The following DDR1 variants were observed in gnomAD, a reference collection of about 807,000 sequenced individuals.
The protein encoded by DDR1 is epithelial discoidin domain-containing receptor 1.
In DDR1, 64 loss-of-function variants were observed where a neutral mutation model predicts 97.4. The ratio of observed to expected loss-of-function variants is 0.66; its 90% CI spans 0.54 to 0.81. The LOEUF is 0.81. Ranked by LOEUF, DDR1 falls within the 30% of genes least tolerant of loss-of-function variation. The pLI is 0.00. For missense variants in DDR1, 990 were observed against 1,259.6 expected, an observed-to-expected ratio of 0.79 and a Z score of 3.24; for synonymous variants, 458 against 503.7, an observed-to-expected ratio of 0.91 and a Z score of 1.21.
intron 8 of DDR1, 88 bp from the exon 9 acceptor site, chr6:30,892,980 C>CTTTGCACAACAGTCCTTTGTGCAACAG: frequency 8.6e-7 from 1 of 1,166,948 alleles, no homozygotes; most frequent in Non-Finnish European, 1.2e-6. Flanking sequence ...CATGCTTCTG[C>CTTTGCACAACAGTCCTTTGTGCAACAG]TCCTTTGCAC....
chr6:30,890,029 C>T lies in DDR1; in HGVS notation c.417+599C>T, dbSNP rs959663465. Among the ~76,000 whole-genome samples the T allele has an allele frequency of 2.6e-5, 4 of 152,340 alleles. No homozygotes were observed. Among genetic ancestry groups the T allele is most frequent in the African/African-American group, 7.2e-5 (3 of 41,574 alleles). On this transcript the variant is annotated intron_variant, in intron 4 of 17. Transcript: ENST00000376568. This position sits in a 1 kb window ranked among gnomAD's most constrained non-coding sequence, Gnocchi z 5.0. Reference sequence around the variant, plus strand: ...GCCCTAGGCCACCTGCCCGCCATCTCCAGCTTAGATGAGTGCAGTAGATGC... The same window carrying T: ...GCCCTAGGCCACCTGCCCGCCATCTTCAGCTTAGATGAGTGCAGTAGATGC...
chr6:30,895,387 C>T lies in DDR1; in HGVS notation c.1514-17C>T, dbSNP rs757312542. 3 of 1,596,538 alleles carry T rather than the reference C, an allele frequency of 1.9e-6. No homozygotes were observed. Among genetic ancestry groups the T allele is most frequent in the Non-Finnish European group, 2.6e-6 (3 of 1,168,778 alleles). ...CTCATCCCTTCCCCGTGTTTCCCCT[C>T]CTCCTTCTCCCGACAGCGTTGCTGC... On this transcript the variant is annotated splice_polypyrimidine_tract_variant and intron_variant, in intron 11 of 17. Transcript: ENST00000376568.
In DDR1 at chr6:30,899,197, T is replaced by C; in HGVS notation, c.2643T>C (p.Tyr881=). 6.2e-7 allele frequency: 1 copy of C among 1,612,754 alleles called. No individual in the cohort carries two copies. The highest frequency in any genetic ancestry group is 1.1e-5 in the South Asian group (1 of 91,052). Residue 881 remains tyrosine, a synonymous_variant, in exon 18 of 18, where the codon TAT becomes TAC. Transcript: ENST00000376568. ...SRPPACPQGL[Y]ELMLRCWSRE... is the part of the protein sequence containing the mutation. ...CGCCTGCCTGCCCGCAGGGCCTATATGAGCTGATGCTTCGGTGCTGGAGCC... is the reference window on the plus strand; with the variant it reads ...CGCCTGCCTGCCCGCAGGGCCTATACGAGCTGATGCTTCGGTGCTGGAGCC...
chr6:30,896,863 G>A lies in DDR1; in HGVS notation c.1867G>A (p.Glu623Lys). The A allele has an allele frequency of 6.4e-7, 1 of 1,570,924 alleles. No homozygotes were observed. The highest frequency in any genetic ancestry group is 1.3e-5 in the African/African-American group (1 of 74,162). Residue 623 changes from glutamate to lysine, a missense_variant and splice_region_variant, in exon 13 of 18, where the codon GAG (glutamate) becomes AAG (lysine). Physicochemically the swap from Glu to Lys is moderately conservative, Grantham distance 56. Transcript: ENST00000376568. ...GAAGCTTGGCGAGGGCCAGTTTGGG[G>A]AGGTAAGGAGGGTGCCTACCCAGTG... ...KEKLGEGQFGEVHLCEVDSPQ... is the reference protein window; with the variant it reads ...KEKLGEGQFGKVHLCEVDSPQ...
chr6:30,891,230 C>A lies in DDR1; in HGVS notation c.565+110C>A. On this transcript the variant is annotated intron_variant, in intron 5 of 17. Transcript: ENST00000376568. This position sits in a 1 kb window ranked among gnomAD's most constrained non-coding sequence, Gnocchi z 5.3. Reference sequence around the variant, plus strand: ...CTTCTCCTGCTGGGAAGCTGTCACTCTGAGGAGGGGGCTAGCCAGCATTGT... The same window carrying A: ...CTTCTCCTGCTGGGAAGCTGTCACTATGAGGAGGGGGCTAGCCAGCATTGT... 1 of 1,518,616 alleles carries A rather than the reference C, an allele frequency of 6.6e-7. No individual in the cohort carries two copies. 94.1% of individuals were successfully genotyped at this position (1,518,616 alleles called of 1,614,324 possible). A position where few individuals can be genotyped will look rare whatever the true frequency, so the allele number is the denominator to read the frequency against.
intron 10 of DDR1, among the ~76,000 whole-genome samples, chr6:30,893,704 A>C (rs1789542150): frequency 6.6e-6 from 1 of 152,232 alleles, no homozygotes; most frequent in African/African-American, 2.4e-5. Context: ...CCTGGGATGC[A>C]GCTGGCCCGT....
Position 30,890,985 on chromosome 6 carries a change from A to G in DDR1, c.430A>G (p.Asn144Asp). 6.2e-7 allele frequency: 1 copy of G among 1,605,522 alleles called. No individual in the cohort carries two copies. Among genetic ancestry groups the G allele is most frequent in the Non-Finnish European group, 8.5e-7 (1 of 1,176,378 alleles). The change falls in exon 5 of 18, where the codon AAT (asparagine) becomes GAT (aspartate). Residue 144 changes from asparagine to aspartate, a missense_variant. Coordinates refer to ENST00000376568, the MANE Select transcript of DDR1 (RefSeq NM_001297654.2). The surrounding 1 kb of genome is among the most constrained non-coding windows in gnomAD (Gnocchi z 5.0). ...TCCTGGCCCACAGGTGATCTCAGGC[A>G]ATGAGGACCCTGAGGGAGTGGTGCT... Reference protein sequence around the residue: ...DRWGQEVISGNEDPEGVVLKD... With the variant: ...DRWGQEVISGDEDPEGVVLKD...
In DDR1 at chr6:30,892,179, G is replaced by A; in HGVS notation, c.843G>A (p.Gln281=). 1 of 1,614,184 alleles carries A rather than the reference G, an allele frequency of 6.2e-7. No homozygotes were observed. Among genetic ancestry groups the A allele is most frequent in the Middle Eastern group, 1.6e-4 (1 of 6,062 alleles). Residue 281 remains glutamine (Q), a synonymous_variant, in exon 7 of 18, where the codon CAG becomes CAA. Coordinates refer to ENST00000376568, the MANE Select transcript of DDR1 (RefSeq NM_001297654.2). ...EFEFDRLRAF[Q]AMQVHCNNMH... ...AGTTTGACCGGCTGAGGGCCTTCCA[G>A]GCTATGCAGGTGAGTGAGTCCGGCT...
At position 30,888,851 on chromosome 6, in the gene DDR1, G is replaced by C. The variant is rs779712351; in HGVS notation, c.85+37G>C. ...GAATCATGGGTCCCTGAGGGCCAGG[G>C]CTTGGGAGGTAGAGAGTTGGGGGCC... On this transcript the variant is annotated intron_variant, in intron 2 of 17. Coordinates refer to ENST00000376568, the MANE Select transcript of DDR1 (RefSeq NM_001297654.2). The surrounding 1 kb of genome is among the most constrained non-coding windows in gnomAD (Gnocchi z 4.2). The C allele has an allele frequency of 7.4e-6, 12 of 1,612,832 alleles. No individual in the cohort carries two copies. Among genetic ancestry groups the C allele is most frequent in the Non-Finnish European group, 1.0e-5 (12 of 1,180,018 alleles).
rs2150354808 is a variant in DDR1, at chr6:30,892,355, C to A, written c.912C>A (p.Arg304=). 6.3e-7 allele frequency: 1 copy of A among 1,581,456 alleles called. No homozygotes were observed. The highest frequency in any genetic ancestry group is 8.6e-7 in the Non-Finnish European group (1 of 1,164,348). The change falls in exon 8 of 18, where the codon CGC becomes CGA. Residue 304 remains arginine, a synonymous_variant. Transcript: ENST00000376568. ...GARLPGGVEC[R]FRRGPAMAWE... is the part of the protein sequence containing the mutation. ...GTCTGCCTGGCGGGGTGGAATGTCG[C>A]TTCCGGCGTGGCCCTGCCATGGCCT...
In DDR1 at chr6:30,892,078, C is replaced by T. The variant is rs1582056677; in HGVS notation, c.742C>T (p.Arg248Trp). ...LDDFRKSQEL[R>W]VWPGYDYVGW... ...TGACTTTAGGAAGAGTCAGGAGCTG[C>T]GGGTCTGGCCAGGCTATGACTATGT... The change falls in exon 7 of 18, where the codon CGG (arginine) becomes TGG (tryptophan). Residue 248 changes from arginine to tryptophan, a missense_variant. Transcript: ENST00000376568. 8 of 1,614,148 alleles carry T rather than the reference C, an allele frequency of 5.0e-6. No homozygotes were observed. The highest frequency in any genetic ancestry group is 4.4e-5 in the South Asian group (4 of 91,084).
chr6:30,897,375 C>T lies in DDR1; in HGVS notation c.1998-4C>T. ...TTCCTCTTCAGCTTCTCCTTGTTCT[C>T]CAGGAATGATTTCCTGAAAGAGGTG... On this transcript the variant is annotated splice_polypyrimidine_tract_variant and splice_region_variant and intron_variant, in intron 14 of 17. Coordinates refer to ENST00000376568, the MANE Select transcript of DDR1 (RefSeq NM_001297654.2). This position sits in a 1 kb window ranked among gnomAD's most constrained non-coding sequence, Gnocchi z 5.2. 6.2e-7 allele frequency: 1 copy of T among 1,613,930 alleles called. No individual in the cohort carries two copies. The highest frequency in any genetic ancestry group is 1.3e-5 in the African/African-American group (1 of 74,992).
rs1785705016 is a variant in DDR1, at chr6:30,886,091, G to A, written c.-43+1381G>A. Among the ~76,000 whole-genome samples the A allele has an allele frequency of 6.6e-6, 1 of 152,096 alleles. No individual in the cohort carries two copies. The highest frequency in any genetic ancestry group is 1.5e-5 in the Non-Finnish European group (1 of 67,998). The stretch of plus-strand genomic sequence containing the variant: ...GAGAACAGACAGCCCAGACGTCTCT[G>A]TGCTTCTCCGTGTTCCTCTGCTTGG... On this transcript the variant is annotated intron_variant, in intron 1 of 17. Coordinates refer to ENST00000376568, the MANE Select transcript of DDR1 (RefSeq NM_001297654.2). This position sits in a 1 kb window ranked among gnomAD's most constrained non-coding sequence, Gnocchi z 4.6.
chr6:30,885,926 C>T, intron 1 of DDR1: 1 of 825,594 alleles, frequency 1.2e-6, no homozygotes, highest in Non-Finnish European at 1.8e-6. Context: ...TGGCCTGGCC[C>T]CTGGTTTGTC....
At chr6:30,898,017 C>T in intron 15 of DDR1, 56 bp from the exon 16 acceptor site, 1 of 1,415,882 alleles carries the variant, frequency 7.1e-7, no homozygotes, top group African/African-American at 1.4e-5. Context: ...CTCTCCTCTC[C>T]TGGATGGGAA....
chr6:30,898,021 A>C (rs1386676068), intron 15 of DDR1, 52 bp from the exon 16 acceptor site: 2 of 1,432,738 alleles, frequency 1.4e-6, no homozygotes, highest in Non-Finnish European at 2.0e-6. Context: ...CCTCTCCTGG[A>C]TGGGAATCTG....
Position 30,897,274 on chromosome 6 carries a change from G to T in DDR1, c.1998-105G>T. On this transcript the variant is annotated intron_variant, in intron 14 of 17. Coordinates refer to ENST00000376568, the MANE Select transcript of DDR1 (RefSeq NM_001297654.2). The surrounding 1 kb of genome is among the most constrained non-coding windows in gnomAD (Gnocchi z 5.2). Reference sequence around the variant, plus strand: ...GAGGGGATTTACATGTACGCTGGGGGTGGGGACGCCTGGTCTGCCTGAGGT... The same window carrying T: ...GAGGGGATTTACATGTACGCTGGGGTTGGGGACGCCTGGTCTGCCTGAGGT... 1 of 1,455,916 alleles carries T rather than the reference G, an allele frequency of 6.9e-7. No individual in the cohort carries two copies. Among genetic ancestry groups the T allele is most frequent in the East Asian group, 2.5e-5 (1 of 40,510 alleles). The allele number at this position is 1,455,916 out of a possible 1,614,324, so 90.2% of individuals were successfully genotyped here. A position where few individuals can be genotyped will look rare whatever the true frequency, so the allele number is the denominator to read the frequency against.
intron 11 of DDR1, among the ~76,000 whole-genome samples, chr6:30,895,020 G>A (rs1418562698): frequency 1.3e-5 from 2 of 152,012 alleles, no homozygotes; most frequent in East Asian, 1.9e-4. Flanking sequence ...TCCATCCATA[G>A]TCATACATCC....
Position 30,889,008 on chromosome 6 carries a change from C to T in DDR1, c.186C>T (p.Ser62=), listed in dbSNP as rs2150292705. The change falls in exon 3 of 18, where the codon AGC becomes AGT. Residue 62 remains serine (S), a splice_region_variant and synonymous_variant. Transcript: ENST00000376568. The surrounding 1 kb of genome is among the most constrained non-coding windows in gnomAD (Gnocchi z 4.9). ...CAGATTCCACTGCCGCCCGCCACAG[C>T]AGGTACTTGGCACACCTGGCACACT... The part of the protein sequence containing the change: ...SWSDSTAARH[S]RLESSDGDGA... 2 of 1,613,012 alleles carry T rather than the reference C, an allele frequency of 1.2e-6. No homozygotes were observed. Among genetic ancestry groups the T allele is most frequent in the Non-Finnish European group, 1.7e-6 (2 of 1,180,002 alleles).
Sources: gnomAD v4.1 joint callset for allele counts (sites outside exome capture counted in the v4.1 genomes callset) on GRCh38, gnomAD v4.1.1 for gene constraint, Gnocchi (gnomAD v3.1) non-coding constraint, MANE v1.5 for transcripts, NCBI Gene and HGNC (gene_info 2026-07-23, HGNC 2026-07-21) for gene names.